SEMA5A: variants seen among roughly 807,000 people sequenced by gnomAD.
The protein encoded by SEMA5A is semaphorin 5A, also known as semaphorin-5A.
In SEMA5A, 55 loss-of-function variants were observed where a neutral mutation model predicts 135.5. The observed-to-expected ratio is 0.41, with a 90% CI of 0.33 to 0.51. SEMA5A has a LOEUF of 0.51. Ranked by LOEUF, SEMA5A falls within the 20% of genes least tolerant of loss-of-function variation. The pLI is 0.37. For synonymous variants in SEMA5A, 580 were observed against 546.5 expected (o/e 1.06, Z -0.85); for missense variants, 1,290 against 1,419.9 (o/e 0.91, Z 1.47).
At chr5:9,322,347 G>T (rs190064790) in intron 4 of SEMA5A, among the ~76,000 whole-genome samples, 1 of 152,090 alleles carries the variant, frequency 6.6e-6, no homozygotes, top group Admixed American at 6.5e-5. Flanking sequence ...AATCAATATG[G>T]CAGAGGTATT....
chr5:9,536,918 A>T (rs1447393251), intron 1 of SEMA5A, among the ~76,000 whole-genome samples: 1 of 152,222 alleles, frequency 6.6e-6, no homozygotes, highest in African/African-American at 2.4e-5. Flanking sequence ...GACACAAGGC[A>T]TTGGACATGG....
intron 4 of SEMA5A, among the ~76,000 whole-genome samples, chr5:9,330,539 C>T (rs1232757564): frequency 1.3e-5 from 2 of 152,056 alleles, no homozygotes; most frequent in African/African-American, 4.8e-5. Flanking sequence ...AAAGCACACA[C>T]CCTGAGCCAG....
chr5:9,296,291 G>C (rs1401873459), intron 5 of SEMA5A, among the ~76,000 whole-genome samples: 1 of 152,034 alleles, frequency 6.6e-6, no homozygotes, highest in Non-Finnish European at 1.5e-5. Flanking sequence ...CTTTGAGGTT[G>C]ATCTATAAAT....
chr5:9,231,275 T>G (rs975254070), intron 6 of SEMA5A, among the ~76,000 whole-genome samples: 2 of 151,920 alleles, frequency 1.3e-5, no homozygotes, highest in Non-Finnish European at 2.9e-5. Flanking sequence ...GAGACCAGCC[T>G]GGCCAACATG....
intron 1 of SEMA5A, among the ~76,000 whole-genome samples, chr5:9,466,759 G>A (rs1193009049): frequency 6.6e-6 from 1 of 152,204 alleles, no homozygotes; most frequent in Admixed American, 6.5e-5. Context: ...GTACTTGGCT[G>A]ATTTTTCTCA....
intron 16 of SEMA5A, among the ~76,000 whole-genome samples, chr5:9,085,997 G>A (rs181822023): frequency 6.1e-4 from 93 of 152,274 alleles, no homozygotes; most frequent in African/African-American, 2.2e-3. Context: ...AGATTTGACT[G>A]CCTTGCTGGA....
intron 4 of SEMA5A, among the ~76,000 whole-genome samples, chr5:9,328,247 C>A (rs1475386945): frequency 3.9e-5 from 6 of 152,184 alleles, no homozygotes; most frequent in Admixed American, 1.3e-4. Flanking sequence ...ATCATCACTG[C>A]CTAAGTCTAA....
At chr5:9,220,251 G>A (rs564382628) in intron 8 of SEMA5A, among the ~76,000 whole-genome samples, 12 of 152,080 alleles carry the variant, frequency 7.9e-5, no homozygotes, top group East Asian at 1.9e-4. Context: ...TACAGGGTAC[G>A]GTGTACACTG....
intron 5 of SEMA5A, among the ~76,000 whole-genome samples, chr5:9,304,875 A>G (rs1486465475): frequency 6.6e-6 from 1 of 152,164 alleles, no homozygotes; most frequent in East Asian, 1.9e-4. Flanking sequence ...CGTTTCTTAG[A>G]GTTAATAATT....
chr5:9,192,098 G>T (rs1365080929), intron 10 of SEMA5A, among the ~76,000 whole-genome samples: 1 of 143,378 alleles, frequency 7.0e-6, no homozygotes, highest in Non-Finnish European at 1.5e-5. Context: ...TGTGAGTTTA[G>T]GTGAAGGGCT....
At chr5:9,532,374 T>C (rs1166943113) in intron 1 of SEMA5A, among the ~76,000 whole-genome samples, 1 of 151,354 alleles carries the variant, frequency 6.6e-6, no homozygotes, top group Non-Finnish European at 1.5e-5. Flanking sequence ...CAAGCATTTC[T>C]CCTGCCTCAG....
chr5:9,291,149 T>C (rs1751054698), intron 5 of SEMA5A, among the ~76,000 whole-genome samples: 1 of 152,202 alleles, frequency 6.6e-6, no homozygotes, highest in Non-Finnish European at 1.5e-5. Flanking sequence ...CAGAATCACA[T>C]TTAGATGTTT....
intron 16 of SEMA5A, among the ~76,000 whole-genome samples, chr5:9,075,544 T>C (rs572023088): frequency 2.0e-4 from 14 of 71,434 alleles, no homozygotes; most frequent in Admixed American, 6.4e-4. Context: ...ATTATGCACA[T>C]AAAAAAGCCA....
chr5:9,189,989 G>A (rs1336801686), intron 11 of SEMA5A, among the ~76,000 whole-genome samples: 1 of 152,136 alleles, frequency 6.6e-6, no homozygotes, highest in African/African-American at 2.4e-5. Flanking sequence ...GTCTTGCCAA[G>A]AAAAGACTTA....
intron 1 of SEMA5A, among the ~76,000 whole-genome samples, chr5:9,487,067 C>T (rs1734773287): frequency 6.6e-6 from 1 of 151,550 alleles, no homozygotes; most frequent in Non-Finnish European, 1.5e-5. Context: ...AAAACACTAT[C>T]ACAAGTTATG....
chr5:9,287,886 T>TA (rs1490140874), intron 5 of SEMA5A, among the ~76,000 whole-genome samples: 4 of 150,936 alleles, frequency 2.7e-5, no homozygotes, highest in Non-Finnish European at 5.9e-5. Context: ...CCCTAATTTT[T>TA]AAAAAATAAA....
chr5:9,131,123 G>C (rs189958765), intron 13 of SEMA5A, among the ~76,000 whole-genome samples: 2 of 152,154 alleles, frequency 1.3e-5, no homozygotes, highest in South Asian at 4.1e-4. Flanking sequence ...TTTCTGTAAA[G>C]GAATACCTGA....
intron 5 of SEMA5A, among the ~76,000 whole-genome samples, chr5:9,313,905 G>T (rs188559731): frequency 2.9e-4 from 44 of 152,280 alleles, no homozygotes; most frequent in African/African-American, 8.9e-4. Flanking sequence ...GGTAGAAACT[G>T]CCCTCAGGTG....
chr5:9,514,401 C>T (rs1736392754), intron 1 of SEMA5A, among the ~76,000 whole-genome samples: 1 of 152,186 alleles, frequency 6.6e-6, no homozygotes, highest in Non-Finnish European at 1.5e-5. Context: ...ACACCCTCCA[C>T]AGCAGCAGAG....
Sources: gnomAD v4.1 joint callset for allele counts (sites outside exome capture counted in the v4.1 genomes callset) on GRCh38, gnomAD v4.1.1 for gene constraint, MANE v1.5 for transcripts, NCBI Gene and HGNC (gene_info 2026-07-23, HGNC 2026-07-21) for gene names.